The following MBTPS1 variants were observed in gnomAD, a reference collection of about 807,000 sequenced individuals.
MBTPS1 encodes the protein membrane bound transcription factor peptidase, site 1, also known as membrane-bound transcription factor site-1 protease.
In MBTPS1, 94 loss-of-function variants were observed where a neutral mutation model predicts 127.8. That is an observed-to-expected ratio of 0.74 (90% confidence interval 0.62 to 0.87). The LOEUF is 0.87. MBTPS1 is among the 40% of genes least tolerant of loss of function. The probability of loss-of-function intolerance (pLI) is 0.00; values close to 1 mark genes in which losing one functional copy is unlikely to be tolerated. For synonymous variants in MBTPS1, 632 were observed against 509.4 expected, an observed-to-expected ratio of 1.24 and a Z score of -3.24; for missense variants, 1,636 against 1,353.2, an observed-to-expected ratio of 1.21 and a Z score of -3.28.
chr16:84,102,736 T>C (rs2086274472), intron 1 of MBTPS1, among the ~76,000 whole-genome samples: 1 of 152,238 alleles, frequency 6.6e-6, no homozygotes, highest in East Asian at 1.9e-4. Context: ...TACTTTCTGC[T>C]GTAACATTAA....
At chr16:84,102,618 T>G (rs10514602) in intron 1 of MBTPS1, among the ~76,000 whole-genome samples, 1 of 152,198 alleles carries the variant, frequency 6.6e-6, no homozygotes, top group Non-Finnish European at 1.5e-5. Context: ...TTTCAGATTC[T>G]GTATTTCCTA....
chr16:84,104,903 C>T (rs1233464824), intron 1 of MBTPS1, among the ~76,000 whole-genome samples: 1 of 151,722 alleles, frequency 6.6e-6, no homozygotes, highest in Admixed American at 6.6e-5. Context: ...TGGTGAAACC[C>T]CATATCTACT....
intron 2 of MBTPS1, among the ~76,000 whole-genome samples, chr16:84,100,645 T>C (rs1490641671): frequency 1.3e-5 from 2 of 152,138 alleles, no homozygotes; most frequent in African/African-American, 4.8e-5. Flanking sequence ...GGAGACCACT[T>C]GTGCCTGGGA....
rs760200767 is a variant in MBTPS1 at position 84,056,103 on chromosome 16, A to G, written c.2864T>C (p.Ile955Thr). ...NLWKHQKLLSIDLDKVVLPNF... is the reference protein window; with the variant it reads ...NLWKHQKLLSTDLDKVVLPNF... The stretch of plus-strand genomic sequence containing the variant: ...GGGTAACACCACCTTGTCCAGGTCA[A>G]TGGAGAGTAGCTTCTGATGTTTCCA... Residue 955 changes from isoleucine to threonine, a missense_variant, in exon 22 of 23, where the codon ATT becomes ACT. Coordinates refer to ENST00000343411, the MANE Select transcript of MBTPS1 (RefSeq NM_003791.4). 1.9e-6 allele frequency: 3 copies of G among 1,614,084 alleles called. No individual in the cohort carries two copies. Among genetic ancestry groups the G allele is most frequent in the South Asian group, 2.2e-5 (2 of 91,078 alleles).
chr16:84,070,173 T>C (rs774932935), intron 13 of MBTPS1, 135 bp from the exon 14 acceptor site: 82 of 745,264 alleles, frequency 1.1e-4, no homozygotes, highest in African/African-American at 6.5e-4. Context: ...AAATGTCTGA[T>C]GAAAGATTCA....
At position 84,067,841 on chromosome 16, in the gene MBTPS1, A is replaced by G; in HGVS notation, c.2072-18T>C. 6.3e-7 allele frequency: 1 copy of G among 1,597,008 alleles called. No homozygotes were observed. The highest frequency in any genetic ancestry group is 1.1e-5 in the South Asian group (1 of 90,272). On this transcript the variant is annotated intron_variant, in intron 15 of 22. Transcript: ENST00000343411. Reference sequence around the variant, plus strand: ...CAAAGTGCCTGATGAACAAAGAACCAAAGCTGGGAACTGTCACTTCTGAAT... The same window carrying G: ...CAAAGTGCCTGATGAACAAAGAACCGAAGCTGGGAACTGTCACTTCTGAAT...
chr16:84,099,480 T>A (rs2086224980), intron 2 of MBTPS1, among the ~76,000 whole-genome samples, 170 bp from the exon 3 acceptor site: 1 of 152,078 alleles, frequency 6.6e-6, no homozygotes, highest in Admixed American at 6.6e-5. Flanking sequence ...TCTGCAGAGC[T>A]TTGAGGAAAA....
Position 84,095,609 on chromosome 16 carries a change from T to G in MBTPS1, c.618A>C (p.Gly206=). 6.2e-7 allele frequency: 1 copy of G among 1,614,122 alleles called. No homozygotes were observed. The highest frequency in any genetic ancestry group is 2.2e-5 in the East Asian group (1 of 44,880). Residue 206 remains glycine (G), a synonymous_variant, in exon 4 of 23, where the codon GGA becomes GGC. Coordinates refer to ENST00000343411, the MANE Select transcript of MBTPS1 (RefSeq NM_003791.4). ...TLQADVLWQM[G]YTGANVRVAV... is the part of the protein sequence containing the mutation. Reference sequence around the variant, plus strand: ...CTGGGTAATAGCACACACCTGTATATCCCATCTGCCAGAGCACATCTGCCT... The same window carrying G: ...CTGGGTAATAGCACACACCTGTATAGCCCATCTGCCAGAGCACATCTGCCT...
intron 11 of MBTPS1, among the ~76,000 whole-genome samples, chr16:84,078,836 T>C (rs763524346): frequency 7.2e-4 from 109 of 152,108 alleles, no homozygotes; most frequent in Non-Finnish European, 9.1e-4. Flanking sequence ...TGTGGGGTGG[T>C]GGGGGCAGGG....
intron 1 of MBTPS1, among the ~76,000 whole-genome samples, chr16:84,105,170 A>G (rs568993096): frequency 2.6e-5 from 4 of 152,296 alleles, no homozygotes; most frequent in South Asian, 2.1e-4. Context: ...ATTAAAAATA[A>G]TAATAAATGT....
At chr16:84,062,336 G>C (rs1480662292) in intron 19 of MBTPS1, among the ~76,000 whole-genome samples, 2 of 152,138 alleles carry the variant, frequency 1.3e-5, no homozygotes, top group East Asian at 3.9e-4. Flanking sequence ...GGCCAGGCTG[G>C]TCATGAACTC....
chr16:84,054,666 G>A (rs773160161), intron 22 of MBTPS1, 21 bp from the exon 23 acceptor site: 22 of 1,535,806 alleles, frequency 1.4e-5, no homozygotes, highest in Non-Finnish European at 1.9e-5. Flanking sequence ...ACAGCCGGTT[G>A]AACAGGCAGG....
rs368173667 is a variant in MBTPS1 at position 84,069,970 on chromosome 16, G to T, written c.1851C>A (p.Pro617=). Residue 617 remains proline (P), a synonymous_variant, in exon 14 of 23, where the codon CCC becomes CCA. Coordinates refer to ENST00000343411, the MANE Select transcript of MBTPS1 (RefSeq NM_003791.4). ...CCCAGAGAACTCTCTTGCTTCGCGG[G>T]GGAGTAGGAATTATCTTCACCTTAA... ...LPIKVKIIPT[P]PRSKRVLWDQ... is the part of the protein sequence containing the mutation. The T allele has an allele frequency of 1.2e-6, 2 of 1,614,080 alleles. No homozygotes were observed. Among genetic ancestry groups the T allele is most frequent in the Non-Finnish European group, 1.7e-6 (2 of 1,179,964 alleles).
At chr16:84,114,687 G>A (rs944226874) in intron 1 of MBTPS1, among the ~76,000 whole-genome samples, 18 of 151,528 alleles carry the variant, frequency 1.2e-4, no homozygotes, top group Non-Finnish European at 2.2e-4. Flanking sequence ...AAAATTAGCC[G>A]GGTGTGGTGG....
chr16:84,069,901 C>G lies in MBTPS1; in HGVS notation c.1920G>C (p.Arg640Ser). The change falls in exon 14 of 23, where the codon AGG becomes AGC. Residue 640 changes from arginine to serine, a missense_variant. Physicochemically the swap from Arg to Ser is moderately radical, Grantham distance 110. Coordinates refer to ENST00000343411, the MANE Select transcript of MBTPS1 (RefSeq NM_003791.4). ...GGTCATTCTTCATCCTTAAATTATC[C>G]CTGGGGAAATAGCCAGGTGGATAGC... ...NLRYPPGYFPRDNLRMKNDPL... is the reference protein window; with the variant it reads ...NLRYPPGYFPSDNLRMKNDPL... 6.2e-7 allele frequency: 1 copy of G among 1,614,056 alleles called. No homozygotes were observed. The highest frequency in any genetic ancestry group is 8.5e-7 in the Non-Finnish European group (1 of 1,179,996).
intron 8 of MBTPS1, among the ~76,000 whole-genome samples, chr16:84,087,996 G>A (rs2086055191): frequency 6.6e-6 from 1 of 152,080 alleles, no homozygotes; most frequent in African/African-American, 2.4e-5. Flanking sequence ...TCCTCATAGG[G>A]AACTGTAGAA....
At chr16:84,073,988 A>C (rs2085813243) in intron 12 of MBTPS1, among the ~76,000 whole-genome samples, 2 of 152,122 alleles carry the variant, frequency 1.3e-5, no homozygotes, top group African/African-American at 4.8e-5. Flanking sequence ...CCTGGGCAAC[A>C]AGAGTGACAC....
At chr16:84,090,403 C>T (rs984019775) in intron 8 of MBTPS1, among the ~76,000 whole-genome samples, 4 of 152,296 alleles carry the variant, frequency 2.6e-5, no homozygotes, top group South Asian at 2.1e-4. Flanking sequence ...GCCATGTTGC[C>T]GTTAGGCCCG....
Position 84,093,776 on chromosome 16 carries a change from T to C in MBTPS1, c.671A>G (p.Lys224Arg), listed in dbSNP as rs1300780184. Residue 224 changes from lysine to arginine, a missense_variant, in exon 5 of 23, where the codon AAG (lysine) becomes AGG (arginine). Transcript: ENST00000343411. ...CTTCACATTTTTGAAGTGGGGATGC[T>C]TCTCGCTCAGCCCAGTGTCAAAAAC... is the stretch of plus-strand genomic sequence containing the variant. ...VAVFDTGLSEKHPHFKNVKER... is the reference protein window; with the variant it reads ...VAVFDTGLSERHPHFKNVKER... The C allele has an allele frequency of 1.9e-6, 3 of 1,614,170 alleles. No homozygotes were observed. The East Asian group carries it at 6.7e-5, about 36-fold the overall frequency.
Sources: allele counts gnomAD v4.1 joint callset (sites outside exome capture counted in the v4.1 genomes callset), GRCh38; gene constraint gnomAD v4.1.1; transcripts MANE v1.5; gene names NCBI Gene and HGNC (gene_info 2026-07-23, HGNC 2026-07-21).